MAN2A1: variants seen among roughly 807,000 people sequenced by gnomAD.
MAN2A1 encodes the protein alpha-mannosidase 2.
Under a neutral mutation model 142.6 loss-of-function variants are expected in MAN2A1, and 76 were observed. The ratio of observed to expected loss-of-function variants is 0.53; its 90% CI spans 0.44 to 0.65. MAN2A1 has a LOEUF of 0.65. Ranked by LOEUF, MAN2A1 falls within the 30% of genes least tolerant of loss-of-function variation. MAN2A1 has a pLI of 0.00. For synonymous variants in MAN2A1, 559 were observed against 473.2 expected, an observed-to-expected ratio of 1.18 and a Z score of -2.35; for missense variants, 1,311 against 1,365.1, an observed-to-expected ratio of 0.96 and a Z score of 0.62.
At chr5:109,697,543 A>G (rs1019493520) in intron 1 of MAN2A1, among the ~76,000 whole-genome samples, 1 of 152,182 alleles carries the variant, frequency 6.6e-6, no homozygotes. Flanking sequence ...TTATAGGGCC[A>G]TGTGCTAAGA....
intron 5 of MAN2A1, among the ~76,000 whole-genome samples, chr5:109,759,964 TAGATAGATAGATAG>T (rs1193083119): frequency 7.3e-4 from 21 of 28,744 alleles, no homozygotes; most frequent in African/African-American, 5.9e-3. Context: ...TATATATATA[TAGATAGATAGATAG>T]ATAGATAGAT....
intron 6 of MAN2A1, 131 bp downstream of exon 6, chr5:109,767,839 C>T: frequency 1.5e-6 from 1 of 681,920 alleles, no homozygotes; most frequent in South Asian, 2.2e-5. Flanking sequence ...GATAGTCACT[C>T]TCGTAATTAT....
chr5:109,805,009 C>T (rs1422824079), intron 12 of MAN2A1, among the ~76,000 whole-genome samples: 1 of 152,156 alleles, frequency 6.6e-6, no homozygotes, highest in East Asian at 1.9e-4. Context: ...GATTGAACAT[C>T]ATTCCTTATG....
chr5:109,799,977 A>G (rs1753973832), intron 12 of MAN2A1, among the ~76,000 whole-genome samples: 1 of 151,696 alleles, frequency 6.6e-6, no homozygotes, highest in Non-Finnish European at 1.5e-5. Context: ...AATCCCTGCT[A>G]CTTGGGAGAC....
At chr5:109,720,069 C>T (rs932654881) in intron 3 of MAN2A1, among the ~76,000 whole-genome samples, 27 of 152,168 alleles carry the variant, frequency 1.8e-4, no homozygotes, top group Non-Finnish European at 3.7e-4. Context: ...TACAGCACCT[C>T]TGTATCTATA....
At chr5:109,792,061 A>G (rs1753750341) in intron 12 of MAN2A1, among the ~76,000 whole-genome samples, 2 of 152,104 alleles carry the variant, frequency 1.3e-5, no homozygotes, top group Non-Finnish European at 2.9e-5. Flanking sequence ...ATACTTCAGA[A>G]TATCAACTAA....
chr5:109,691,794 G>C (rs1452854339), intron 1 of MAN2A1, among the ~76,000 whole-genome samples: 1 of 152,128 alleles, frequency 6.6e-6, no homozygotes, highest in Non-Finnish European at 1.5e-5. Context: ...GCTTCCCCTA[G>C]GTAGTATGAC....
At chr5:109,818,152 A>G (rs1286447531) in intron 13 of MAN2A1, among the ~76,000 whole-genome samples, 1 of 151,872 alleles carries the variant, frequency 6.6e-6, no homozygotes, top group East Asian at 1.9e-4. Context: ...TATTATTATT[A>G]TTTTTGAGAC....
chr5:109,738,793 A>G (rs1752182504), intron 4 of MAN2A1, among the ~76,000 whole-genome samples: 1 of 152,074 alleles, frequency 6.6e-6, no homozygotes, highest in Non-Finnish European at 1.5e-5. Context: ...TCTCCTGGAT[A>G]CCATATGTAA....
intron 1 of MAN2A1, among the ~76,000 whole-genome samples, chr5:109,696,556 A>G (rs1054274196): frequency 1.3e-5 from 2 of 152,210 alleles, no homozygotes; most frequent in Non-Finnish European, 2.9e-5. Context: ...GGGCCAGAGA[A>G]TTCTTTCGTG....
At chr5:109,708,349 T>C (rs1751197171) in intron 1 of MAN2A1, among the ~76,000 whole-genome samples, 2 of 152,002 alleles carry the variant, frequency 1.3e-5, no homozygotes, top group African/African-American at 2.4e-5. Context: ...AGATGCTGAT[T>C]GTAATGGGCA....
At position 109,690,527 on chromosome 5, in the gene MAN2A1, C is replaced by T. The variant is rs867184393; in HGVS notation, c.110C>T (p.Pro37Leu). 1.8e-5 allele frequency: 29 copies of T among 1,610,446 alleles called. No individual in the cohort carries two copies. The Admixed American group carries it at 3.4e-4, about 19-fold the overall frequency. Residue 37 changes from proline to leucine, a missense_variant, in exon 1 of 22, where the codon CCG becomes CTG. By Grantham distance (98) the Pro-to-Leu change is moderately conservative (BLOSUM62 -3). This residue lies in a region of MAN2A1 where 409 missense variants were observed against 412.7 expected (regional missense o/e 0.99). Coordinates refer to ENST00000261483, the MANE Select transcript of MAN2A1 (RefSeq NM_002372.4). ...DRGHLDYPRN[P>L]RREGSFPQGQ... ...GGTCACTTAGACTACCCCAGGAACC[C>T]GCGCCGCGAGGGCTCCTTCCCTCAG...
rs547237869 is a variant in MAN2A1 at position 109,716,994 on chromosome 5, A to G, written c.535+730A>G. ...ATGAGGGGAAGTTGTTTCAATTATAATGGGACATAGGATTTGATATACATA... is the reference window on the plus strand; with the variant it reads ...ATGAGGGGAAGTTGTTTCAATTATAGTGGGACATAGGATTTGATATACATA... On this transcript the variant is annotated intron_variant, in intron 3 of 21. Transcript: ENST00000261483. Among the ~76,000 whole-genome samples, 9 of 152,206 alleles carry G rather than the reference A, an allele frequency of 5.9e-5. No homozygotes were observed. In the East Asian group the frequency reaches 1.7e-3, roughly 29 times the overall value.
intron 4 of MAN2A1, among the ~76,000 whole-genome samples, chr5:109,733,842 G>C (rs1313071336): frequency 1.3e-5 from 2 of 152,166 alleles, no homozygotes; most frequent in African/African-American, 4.8e-5. Flanking sequence ...TTGTGTCTCT[G>C]TCAGGCTTTG....
At chr5:109,690,642 C>G (rs1033311389) in intron 1 of MAN2A1, 90 bp downstream of exon 1, 1 of 1,413,394 alleles carries the variant, frequency 7.1e-7, no homozygotes, top group Non-Finnish European at 9.6e-7. Flanking sequence ...TTCCTCCCGC[C>G]GCGGCCCCAC....
intron 3 of MAN2A1, among the ~76,000 whole-genome samples, chr5:109,724,155 A>G (rs1751680636): frequency 6.6e-6 from 1 of 152,238 alleles, no homozygotes; most frequent in Non-Finnish European, 1.5e-5. Context: ...GTATATGACT[A>G]GAAGTTGCAG....
At chr5:109,810,005 T>A (rs754697093) in intron 12 of MAN2A1, among the ~76,000 whole-genome samples, 1 of 152,180 alleles carries the variant, frequency 6.6e-6, no homozygotes, top group East Asian at 1.9e-4. Flanking sequence ...GTTAAAGATA[T>A]CTTTGGAGTT....
At chr5:109,804,689 A>G (rs1328434776) in intron 12 of MAN2A1, among the ~76,000 whole-genome samples, 2 of 152,142 alleles carry the variant, frequency 1.3e-5, no homozygotes, top group Non-Finnish European at 2.9e-5. Context: ...ATTTTTTACC[A>G]GTCATATGAT....
At chr5:109,782,456 A>T (rs991027371) in intron 9 of MAN2A1, among the ~76,000 whole-genome samples, 3 of 152,178 alleles carry the variant, frequency 2.0e-5, no homozygotes, top group African/African-American at 7.2e-5. Flanking sequence ...TAAGTAACTA[A>T]CGGAGGCTGG....
Sources: gnomAD v4.1 joint callset for allele counts (sites outside exome capture counted in the v4.1 genomes callset) on GRCh38, gnomAD v4.1.1 for gene constraint, gnomAD v4.1.1 regional missense constraint, MANE v1.5 for transcripts, NCBI Gene and HGNC (gene_info 2026-07-23, HGNC 2026-07-21) for gene names.